The following CLDN7 variants were observed in gnomAD, a reference collection of about 807,000 sequenced individuals.
CLDN7 encodes claudin-7.
In CLDN7, 15 loss-of-function variants were observed where a neutral mutation model predicts 20.3. The ratio of observed to expected loss-of-function variants is 0.74; its 90% confidence interval spans 0.49 to 1.14. CLDN7 has a LOEUF of 1.14. Among genes scored for constraint, CLDN7 ranks in the 50% most tolerant of loss-of-function variants. The pLI, the probability that CLDN7 is intolerant of heterozygous loss-of-function variation, is 0.00. For missense variants in CLDN7, 261 were observed against 274.2 expected, an observed-to-expected ratio of 0.95 and a Z score of 0.34; for synonymous variants, 117 against 106.1, an observed-to-expected ratio of 1.10 and a Z score of -0.63.
chr17:7,261,245 C>A (rs1162687603), intron 1 of CLDN7: 9 of 539,732 alleles, frequency 1.7e-5, no homozygotes, highest in Non-Finnish European at 2.6e-5. Flanking sequence ...GTGAAACTGC[C>A]CTGGATAGGG....
upstream of CLDN7, chr17:7,263,184 C>T (rs1014955078): frequency 2.4e-5 from 4 of 169,864 alleles, no homozygotes; most frequent in African/African-American, 9.6e-5. Flanking sequence ...CATCAAGGCT[C>T]CTAACTGGAG....
intron 1 of CLDN7, 123 bp downstream of exon 1, chr17:7,261,698 T>A (rs2072226628): frequency 2.6e-5 from 9 of 347,532 alleles, no homozygotes; most frequent in East Asian, 2.7e-4. Flanking sequence ...AGCCGACCAC[T>A]TCCTCGCCCT....
chr17:7,260,692 G>C lies in CLDN7; in HGVS notation c.423C>G (p.Gly141=), dbSNP rs201396194. ...LAALVACSWY[G]HQIVTDFYNP... is the part of the protein sequence containing the mutation. ...TATAAAAGTCTGTGACAATCTGATG[G>C]CCATACCAGGAGCAAGCTACCAAGG... The change falls in exon 3 of 4, where the codon GGC becomes GGG. Residue 141 remains glycine (G), a synonymous_variant. Transcript: ENST00000360325. 8.1e-6 allele frequency: 13 copies of C among 1,614,192 alleles called. No individual in the cohort carries two copies. Among genetic ancestry groups the C allele is most frequent in the Middle Eastern group, 1.6e-4 (1 of 6,062 alleles).
intron 1 of CLDN7, among the ~76,000 whole-genome samples, chr17:7,261,484 T>A (rs1186158267): frequency 6.6e-6 from 1 of 151,916 alleles, no homozygotes; most frequent in Non-Finnish European, 1.5e-5. Flanking sequence ...CCGGGGCCGT[T>A]TCTGTCTGAG....
rs769406740 is a variant in CLDN7 at position 7,260,894 on chromosome 17, C to T, written c.315G>A (p.Thr105=). The change falls in exon 2 of 4, where the codon ACG becomes ACA. Residue 105 remains threonine (T), a synonymous_variant. Transcript: ENST00000360325. ...MFVATMGMKC[T]RCGGDDKVKK... ...TCACTTTGTCGTCTCCCCCACAGCG[C>T]GTGCACTTCATGCCCATCGTGGCCA... 1 of 1,614,240 alleles carries T rather than the reference C, an allele frequency of 6.2e-7. No homozygotes were observed.
chr17:7,261,961 G>C lies in CLDN7; in HGVS notation c.83C>G (p.Pro28Arg). Reference sequence around the variant, plus strand: ...CGCATAGGAGCTCATCTGCCACTGCGGGATGGCGGTGCAGGCCACCAGACC... The same window carrying C: ...CGCATAGGAGCTCATCTGCCACTGCCGGATGGCGGTGCAGGCCACCAGACC... Reference protein sequence around the residue: ...WVGLVACTAIPQWQMSSYAGD... With the variant: ...WVGLVACTAIRQWQMSSYAGD... The change falls in exon 1 of 4, where the codon CCG becomes CGG. Residue 28 changes from proline to arginine, a missense_variant. Pro to Arg is a moderately radical substitution (Grantham distance 103). Around this residue, in one of 2 missense-constraint regions of CLDN7, gnomAD observed 46 missense variants for 74.6 expected, o/e 0.62. Transcript: ENST00000360325. The C allele has an allele frequency of 4.3e-6, 7 of 1,614,078 alleles. No individual in the cohort carries two copies. Among genetic ancestry groups the C allele is most frequent in the Non-Finnish European group, 5.9e-6 (7 of 1,180,024 alleles).
Position 7,262,180 on chromosome 17 carries a change from G to A in CLDN7, c.-137C>T. The A allele has an allele frequency of 6.9e-7, 1 of 1,449,192 alleles. No individual in the cohort carries two copies. The highest frequency in any genetic ancestry group is 9.0e-7 in the Non-Finnish European group (1 of 1,107,288). 89.8% of individuals were successfully genotyped at this position (1,449,192 alleles called of 1,614,324 possible). A position where few individuals can be genotyped will look rare whatever the true frequency, so the allele number is the denominator to read the frequency against. ...ACCCAAAGAGACAAAAAGGGTTTGG[G>A]CCAGGTGAATGCAAATCTTGTCACC... On this transcript the variant is annotated 5_prime_UTR_variant, in exon 1 of 4. Transcript: ENST00000360325. The surrounding 1 kb of genome is among the most constrained non-coding windows in gnomAD (Gnocchi z 6.6).
intron 1 of CLDN7, 91 bp from the exon 2 acceptor site, chr17:7,261,076 C>A (rs2072205651): frequency 6.8e-7 from 1 of 1,467,440 alleles, no homozygotes; most frequent in South Asian, 1.3e-5. Context: ...ACCGCTGGAC[C>A]TCTTCTGTCC....
chr17:7,262,154 C>G lies in CLDN7; in HGVS notation c.-111G>C. Reference sequence around the variant, plus strand: ...AAAACTTGAGGTGGAGTTTTCCGGTCACCCAAAGAGACAAAAAGGGTTTGG... The same window carrying G: ...AAAACTTGAGGTGGAGTTTTCCGGTGACCCAAAGAGACAAAAAGGGTTTGG... On this transcript the variant is annotated 5_prime_UTR_variant, in exon 1 of 4. Coordinates refer to ENST00000360325, the MANE Select transcript of CLDN7 (RefSeq NM_001307.6). The surrounding 1 kb of genome is among the most constrained non-coding windows in gnomAD (Gnocchi z 6.6). 1 of 1,474,084 alleles carries G rather than the reference C, an allele frequency of 6.8e-7. No individual in the cohort carries two copies. The highest frequency in any genetic ancestry group is 1.4e-5 in the South Asian group (1 of 71,590). 91.3% of individuals were successfully genotyped at this position (1,474,084 alleles called of 1,614,324 possible). A position where few individuals can be genotyped will look rare whatever the true frequency, so the allele number is the denominator to read the frequency against.
At chr17:7,262,943 T>C (rs192262608), upstream of CLDN7, 1 of 154,786 alleles carries the variant, frequency 6.5e-6, no homozygotes, top group East Asian at 1.9e-4. The surrounding 1 kb of genome is among the most constrained non-coding windows in gnomAD (Gnocchi z 6.6). Context: ...TCCTTTTTTT[T>C]CCTGTCTCCT....
At position 7,261,895 on chromosome 17, in the gene CLDN7, A is replaced by G; in HGVS notation, c.149T>C (p.Leu50Pro). The G allele has an allele frequency of 1.2e-6, 2 of 1,614,184 alleles. No individual in the cohort carries two copies. Among genetic ancestry groups the G allele is most frequent in the Non-Finnish European group, 1.7e-6 (2 of 1,180,048 alleles). ...GCTCTGCGTGACGCAGTCCATCCAC[A>G]GCCCCTTGTACATGGCCTGGGCCGT... is the stretch of plus-strand genomic sequence containing the variant. ...IITAQAMYKG[L>P]WMDCVTQSTG... Residue 50 changes from leucine to proline, a missense_variant, in exon 1 of 4, where the codon CTG becomes CCG. Around this residue, in one of 2 missense-constraint regions of CLDN7, gnomAD observed 46 missense variants for 74.6 expected, o/e 0.62. Transcript: ENST00000360325.
rs771074161 is a variant in CLDN7, at chr17:7,261,969, G to C, written c.75C>G (p.Thr25=). The change falls in exon 1 of 4, where the codon ACC becomes ACG. Residue 25 remains threonine (T), a synonymous_variant. Coordinates refer to ENST00000360325, the MANE Select transcript of CLDN7 (RefSeq NM_001307.6). ...AGCTCATCTGCCACTGCGGGATGGC[G>C]GTGCAGGCCACCAGACCCACCCAGC... ...LLGWVGLVAC[T]AIPQWQMSSY... 1 of 1,613,958 alleles carries C rather than the reference G, an allele frequency of 6.2e-7. No individual in the cohort carries two copies. The highest frequency in any genetic ancestry group is 8.5e-7 in the Non-Finnish European group (1 of 1,180,032).
chr17:7,261,227 G>C, intron 1 of CLDN7: 2 of 575,918 alleles, frequency 3.5e-6, no homozygotes, highest in Non-Finnish European at 6.1e-6. Flanking sequence ...CGGGGCGCCG[G>C]GGTTTCGGTG....
intron 1 of CLDN7, chr17:7,261,268 G>C (rs532386598): frequency 4.4e-5 from 21 of 478,736 alleles, no homozygotes; most frequent in African/African-American, 3.9e-4. Flanking sequence ...AAGGGTGAAA[G>C]GGTGCAGCGA....
intron 3 of CLDN7, 34 bp from the exon 4 acceptor site, chr17:7,260,570 C>T (rs547019974): frequency 8.1e-6 from 13 of 1,611,772 alleles, no homozygotes; most frequent in Non-Finnish European, 1.0e-5. Context: ...GAAACCCTGG[C>T]GTGCCTCTGC....
chr17:7,260,352 G>C lies in CLDN7; in HGVS notation c.*22C>G. 1 of 1,585,864 alleles carries C rather than the reference G, an allele frequency of 6.3e-7. No homozygotes were observed. Among genetic ancestry groups the C allele is most frequent in the Non-Finnish European group, 8.6e-7 (1 of 1,164,374 alleles). On this transcript the variant is annotated 3_prime_UTR_variant, in exon 4 of 4. Transcript: ENST00000360325. ...TCTAGACACTCCCATAGCCTGTCAG[G>C]CTGGGGCAAGGAGATCCCAGGTCAC...
rs185564333 is a variant in CLDN7, at chr17:7,262,107, T to C, written c.-64A>G. ...GACCCTACAGTAAAACAAACGACAC[T>C]TGGGGGGCAGCCCCACAAAAGAAAA... On this transcript the variant is annotated 5_prime_UTR_variant, in exon 1 of 4. Transcript: ENST00000360325. This position sits in a 1 kb window ranked among gnomAD's most constrained non-coding sequence, Gnocchi z 6.6. The C allele has an allele frequency of 5.2e-4, 792 of 1,532,476 alleles. 3 individuals are homozygous for C. In the African/African-American group the frequency reaches 0.01, roughly 20 times the overall value. The allele number at this position is 1,532,476 out of a possible 1,614,324, so 94.9% of individuals were successfully genotyped here. A position where few individuals can be genotyped will look rare whatever the true frequency, so the allele number is the denominator to read the frequency against.
chr17:7,261,793 G>C, intron 1 of CLDN7, 28 bp downstream of exon 1: 1 of 1,606,482 alleles, frequency 6.2e-7, no homozygotes, highest in South Asian at 1.1e-5. Context: ...TCAAGGGCGC[G>C]TCCGCCCCGT....
intron 1 of CLDN7, 149 bp from the exon 2 acceptor site, chr17:7,261,134 TG>T (rs1221040129): frequency 9.1e-7 from 1 of 1,101,506 alleles, no homozygotes; most frequent in Non-Finnish European, 1.3e-6. Context: ...GTCCAAGACC[TG>T]GGCCAAGCGG....
Sources: allele counts gnomAD v4.1 joint callset (sites outside exome capture counted in the v4.1 genomes callset), GRCh38; gene constraint gnomAD v4.1.1; regional missense constraint gnomAD v4.1.1; non-coding constraint Gnocchi (gnomAD v3.1); transcripts MANE v1.5; gene names NCBI Gene and HGNC (gene_info 2026-07-23, HGNC 2026-07-21).